Variants in DNAH14 observed in about 807,000 individuals in gnomAD.
The protein encoded by DNAH14 is axonemal beta dynein heavy chain 14.
In DNAH14, 478 loss-of-function variants were observed where a neutral mutation model predicts 520.9. The ratio of observed to expected loss-of-function variants is 0.92; its 90% CI spans 0.85 to 0.99. The LOEUF (loss-of-function observed/expected upper bound fraction) is 0.99, where lower values mean the gene tolerates loss of function less well. Among genes scored for constraint, DNAH14 ranks in the 50% least tolerant of loss-of-function variants. The pLI, the probability that DNAH14 is intolerant of heterozygous loss-of-function variation, is 0.00. For synonymous variants in DNAH14, 1,581 were observed against 1,757.2 expected (o/e 0.90, Z 2.51); for missense variants, 4,831 against 5,234.5 (o/e 0.92, Z 2.38).
At chr1:225,282,098 A>G (rs958510868) in intron 54 of DNAH14, among the ~76,000 whole-genome samples, 5 of 152,234 alleles carry the variant, frequency 3.3e-5, no homozygotes, top group Admixed American at 3.3e-4. Context: ...TGTAGTTTTT[A>G]TGTCACTATC....
At position 225,294,157 on chromosome 1, in the gene DNAH14, G is replaced by A. The variant is rs7544226; in HGVS notation, c.8469+4075G>A. On this transcript the variant is annotated intron_variant, in intron 55 of 85. Coordinates refer to ENST00000682510, the MANE Select transcript of DNAH14 (RefSeq NM_001367479.1). Reference sequence around the variant, plus strand: ...AGAGTTTTTATCATGAAAGGATGTTGGATTTTATTTAATGCCTTTTCAGCA... The same window carrying A: ...AGAGTTTTTATCATGAAAGGATGTTAGATTTTATTTAATGCCTTTTCAGCA... Among the ~76,000 whole-genome samples the A allele has an allele frequency of 5.0e-3, 763 of 152,120 alleles. 6 individuals are homozygous for A. The highest frequency in any genetic ancestry group is 0.017 in the African/African-American group (720 of 41,494).
chr1:225,346,057 G>C lies in DNAH14; in HGVS notation c.10774G>C (p.Ala3592Pro), dbSNP rs1436474802. ...AAAGCGCATCGAAGCAACAAAAAAA[G>C]CTGAAAGTGAAATCCAAGCAATACG... ...ISKRIEATKK[A>P]ESEIQAIRKN... The change falls in exon 70 of 86, where the codon GCT becomes CCT. Residue 3592 changes from alanine to proline, a missense_variant. By Grantham distance (27) the Ala-to-Pro change is conservative. Coordinates refer to ENST00000682510, the MANE Select transcript of DNAH14 (RefSeq NM_001367479.1). The C allele has an allele frequency of 6.4e-7, 1 of 1,551,616 alleles. No homozygotes were observed. Among genetic ancestry groups the C allele is most frequent in the Non-Finnish European group, 8.7e-7 (1 of 1,146,970 alleles).
At chr1:225,257,697 G>A (rs1455715322) in intron 44 of DNAH14, among the ~76,000 whole-genome samples, 5 of 151,534 alleles carry the variant, frequency 3.3e-5, no homozygotes, top group Non-Finnish European at 5.9e-5. Flanking sequence ...CACCACACCC[G>A]GCTAATTTTT....
At chr1:225,177,003 CAGA>C (rs1456990743) in intron 36 of DNAH14, among the ~76,000 whole-genome samples, 3 of 152,070 alleles carry the variant, frequency 2.0e-5, no homozygotes, top group African/African-American at 7.2e-5. Flanking sequence ...TTGGAGGGCT[CAGA>C]AGAAGACAGG....
At chr1:225,299,796 G>A (rs940189690) in intron 55 of DNAH14, among the ~76,000 whole-genome samples, 1 of 152,124 alleles carries the variant, frequency 6.6e-6, no homozygotes, top group Non-Finnish European at 1.5e-5. Flanking sequence ...AACTATCAGT[G>A]TGTAACAAGC....
chr1:224,935,334 C>A (rs2058960609), intron 1 of DNAH14, among the ~76,000 whole-genome samples: 1 of 151,700 alleles, frequency 6.6e-6, no homozygotes, highest in Non-Finnish European at 1.5e-5. Context: ...ATGCTGCTTA[C>A]AAGAAACTCA....
intron 27 of DNAH14, among the ~76,000 whole-genome samples, chr1:225,136,265 A>G (rs965534498): frequency 6.6e-6 from 1 of 152,134 alleles, no homozygotes; most frequent in Admixed American, 6.6e-5. Context: ...GTCTGTGTAC[A>G]TCAGTGTGTT....
At chr1:224,965,305 A>G (rs1052857770) in intron 5 of DNAH14, among the ~76,000 whole-genome samples, 2 of 152,048 alleles carry the variant, frequency 1.3e-5, no homozygotes, top group African/African-American at 4.8e-5. Flanking sequence ...TCTCATCTGC[A>G]CCCTAGACCC....
rs546676212 is a variant in DNAH14, at chr1:225,075,307, C to T, written c.2425-3900C>T. ...TTGCTTTTCTCTGTTCTCCGTGGGT[C>T]GAGTTGTTTCCTTTATTAGTCCCAA... is the stretch of plus-strand genomic sequence containing the variant. On this transcript the variant is annotated intron_variant, in intron 17 of 85. Transcript: ENST00000682510. Among the ~76,000 whole-genome samples the T allele has an allele frequency of 9.9e-5, 15 of 152,084 alleles. No homozygotes were observed. In the South Asian group the frequency reaches 2.7e-3, roughly 27 times the overall value.
At chr1:225,088,294 A>G (rs1056686614) in intron 21 of DNAH14, among the ~76,000 whole-genome samples, 1 of 152,202 alleles carries the variant, frequency 6.6e-6, no homozygotes, top group African/African-American at 2.4e-5. Context: ...AATTTATTCC[A>G]TATGTTAAAA....
intron 75 of DNAH14, among the ~76,000 whole-genome samples, chr1:225,361,217 A>G (rs950046442): frequency 2.6e-5 from 4 of 152,210 alleles, no homozygotes; most frequent in Non-Finnish European, 4.4e-5. Flanking sequence ...CATAGTTTTT[A>G]ATATTCGATG....
chr1:225,233,340 G>T (rs1486086293), intron 42 of DNAH14, among the ~76,000 whole-genome samples: 1 of 152,142 alleles, frequency 6.6e-6, no homozygotes, highest in Non-Finnish European at 1.5e-5. Context: ...GGATTGCTGG[G>T]TCAAATGGTA....
intron 38 of DNAH14, among the ~76,000 whole-genome samples, chr1:225,197,873 C>A (rs909280275): frequency 6.6e-6 from 1 of 152,104 alleles, no homozygotes; most frequent in African/African-American, 2.4e-5. Context: ...TACTGATTTG[C>A]GTGCATTAAT....
At chr1:225,133,400 C>T (rs1369737119) in intron 27 of DNAH14, among the ~76,000 whole-genome samples, 2 of 151,894 alleles carry the variant, frequency 1.3e-5, no homozygotes, top group East Asian at 1.9e-4. Context: ...AGTTAATTTT[C>T]GTATATGGTG....
At chr1:225,257,871 A>T in intron 44 of DNAH14, 89 bp from the exon 45 acceptor site, 1 of 1,097,638 alleles carries the variant, frequency 9.1e-7, no homozygotes. Flanking sequence ...TAATGAAAAT[A>T]AAATAATCCT....
At position 225,307,571 on chromosome 1, in the gene DNAH14, T is replaced by C; in HGVS notation, c.9114+2T>C. On this transcript the variant is annotated splice_donor_variant, in intron 59 of 85. Coordinates refer to ENST00000682510, the MANE Select transcript of DNAH14 (RefSeq NM_001367479.1). LOFTEE classifies it high-confidence loss of function. ...CCTCAAGTAGAACAAAAAACAAAGG[T>C]ATGTTTGCTTTGAAATCTCTTTTAA... The C allele has an allele frequency of 6.5e-7, 1 of 1,527,774 alleles. No homozygotes were observed. The highest frequency in any genetic ancestry group is 8.8e-7 in the Non-Finnish European group (1 of 1,139,310). 94.6% of individuals were successfully genotyped at this position (1,527,774 alleles called of 1,614,324 possible). A position where few individuals can be genotyped will look rare whatever the true frequency, so the allele number is the denominator to read the frequency against.
intron 41 of DNAH14, among the ~76,000 whole-genome samples, chr1:225,222,983 G>A (rs938408120): frequency 1.2e-4 from 19 of 152,104 alleles, no homozygotes; most frequent in Non-Finnish European, 1.5e-4. Context: ...ATTCTACACA[G>A]AAGAGCCTAA....
intron 77 of DNAH14, among the ~76,000 whole-genome samples, chr1:225,370,230 T>G (rs2095603146): frequency 6.6e-6 from 1 of 152,016 alleles, no homozygotes; most frequent in Non-Finnish European, 1.5e-5. Context: ...TGCAGTGAGC[T>G]GAGATCACAG....
At chr1:224,970,134 A>T (rs1323996195) in intron 7 of DNAH14, among the ~76,000 whole-genome samples, 2 of 152,176 alleles carry the variant, frequency 1.3e-5, no homozygotes, top group Non-Finnish European at 2.9e-5. Context: ...AACATCCCTG[A>T]GAAAGAGAAT....
Sources: gnomAD v4.1 joint callset for allele counts (sites outside exome capture counted in the v4.1 genomes callset) on GRCh38, gnomAD v4.1.1 for gene constraint, MANE v1.5 for transcripts, NCBI Gene and HGNC (gene_info 2026-07-23, HGNC 2026-07-21) for gene names.